ZNF496: variants seen among roughly 807,000 people sequenced by gnomAD.
ZNF496 encodes NSD1 (nuclear receptor binding SET-domain containing 1)-interacting zinc finger protein 1.
Under a neutral mutation model 58.9 loss-of-function variants are expected in ZNF496, and 11 were observed. The observed-to-expected ratio is 0.19, with a 90% confidence interval of 0.12 to 0.31. The LOEUF is 0.31. Ranked by LOEUF, ZNF496 falls within the 10% of genes least tolerant of loss-of-function variation. ZNF496 has a pLI of 1.00. For missense variants in ZNF496, 660 were observed against 783.0 expected, an observed-to-expected ratio of 0.84 and a Z score of 1.88; for synonymous variants, 338 against 318.2, an observed-to-expected ratio of 1.06 and a Z score of -0.66.
chr1:247,324,762 TAAAC>T (rs1307746210), intron 5 of ZNF496, among the ~76,000 whole-genome samples: 1 of 152,104 alleles, frequency 6.6e-6, no homozygotes, highest in African/African-American at 2.4e-5. Context: ...AGACAGAAAT[TAAAC>T]AAAAAAGAAA....
In ZNF496 at chr1:247,300,972, G is replaced by A; in HGVS notation, c.1311C>T (p.Cys437=). The part of the protein sequence containing the change: ...SRREQEKPHE[C]SVCGELFSDS... ...CGCTGAACAGCTCCCCGCACACCGA[G>A]CACTCGTGCGGCTTCTCCTGCTCCC... Residue 437 remains cysteine, a synonymous_variant, in exon 10 of 10, where the codon TGC becomes TGT. Transcript: ENST00000682384. The surrounding 1 kb of genome is among the most constrained non-coding windows in gnomAD (Gnocchi z 5.7). The A allele has an allele frequency of 6.2e-7, 1 of 1,613,894 alleles. No homozygotes were observed. Among genetic ancestry groups the A allele is most frequent in the South Asian group, 1.1e-5 (1 of 91,084 alleles).
chr1:247,310,485 C>T (rs183983478), intron 6 of ZNF496, 29 bp from the exon 7 acceptor site: 28 of 1,613,112 alleles, frequency 1.7e-5, no homozygotes, highest in Non-Finnish European at 2.3e-5. Flanking sequence ...AGGGATGCCT[C>T]AGTCCGGGAC....
intron 6 of ZNF496, among the ~76,000 whole-genome samples, chr1:247,317,008 T>C (rs1659802712): frequency 1.3e-5 from 2 of 152,324 alleles, no homozygotes; most frequent in Middle Eastern, 3.4e-3. Context: ...ATGAGTGGTA[T>C]CTTTTCACTT....
rs1373207028 is a variant in ZNF496, at chr1:247,301,280, C to T, written c.1007-4G>A. 3 of 1,508,578 alleles carry T rather than the reference C, an allele frequency of 2.0e-6. No individual in the cohort carries two copies. The highest frequency in any genetic ancestry group is 2.6e-6 in the Non-Finnish European group (3 of 1,132,802). The allele number at this position is 1,508,578 out of a possible 1,614,324, so 93.4% of individuals were successfully genotyped here. The stretch of plus-strand genomic sequence containing the variant: ...AGAGATCGCGGGTTGCCGCCAGCTA[C>T]AGGAAGGCAACATGCAGGTCAGCGA... On this transcript the variant is annotated splice_polypyrimidine_tract_variant and splice_region_variant and intron_variant, in intron 9 of 9. Coordinates refer to ENST00000682384, the MANE Select transcript of ZNF496 (RefSeq NM_032752.3).
chr1:247,308,661 A>C lies in ZNF496; in HGVS notation c.893-73T>G, dbSNP rs1572075935. ...CACTACCTGGGAGGGTGCTATCCGA[A>C]TAGATGCCAGGCTACGATCTGGGGG... On this transcript the variant is annotated intron_variant, in intron 8 of 9. Coordinates refer to ENST00000682384, the MANE Select transcript of ZNF496 (RefSeq NM_032752.3). The surrounding 1 kb of genome is among the most constrained non-coding windows in gnomAD (Gnocchi z 4.5). 1 of 1,411,570 alleles carries C rather than the reference A, an allele frequency of 7.1e-7. No individual in the cohort carries two copies. The highest frequency in any genetic ancestry group is 1.0e-6 in the Non-Finnish European group (1 of 1,002,324). 87.4% of individuals were successfully genotyped at this position (1,411,570 alleles called of 1,614,324 possible). A position where few individuals can be genotyped will look rare whatever the true frequency, so the allele number is the denominator to read the frequency against.
chr1:247,317,139 T>TAA (rs1297145866), intron 6 of ZNF496, among the ~76,000 whole-genome samples: 8 of 152,216 alleles, frequency 5.3e-5, no homozygotes, highest in Non-Finnish European at 1.2e-4. Context: ...ATGAAAACCC[T>TAA]GGACATTGCA....
chr1:247,323,138 T>G lies in ZNF496; in HGVS notation c.651+16A>C, dbSNP rs776264993. The G allele has an allele frequency of 3.7e-6, 6 of 1,610,898 alleles. No homozygotes were observed. The highest frequency in any genetic ancestry group is 5.1e-6 in the Non-Finnish European group (6 of 1,177,464). ...CAAACAGGGGATTTTCAAGGACTCC[T>G]GTAGAAACCACTCACCGGGGGTAGC... On this transcript the variant is annotated intron_variant, in intron 6 of 9. Coordinates refer to ENST00000682384, the MANE Select transcript of ZNF496 (RefSeq NM_032752.3).
intron 5 of ZNF496, among the ~76,000 whole-genome samples, chr1:247,327,883 C>T (rs2103033764): frequency 6.6e-6 from 1 of 152,100 alleles, no homozygotes; most frequent in South Asian, 2.1e-4. Context: ...CAGAGGAACC[C>T]ACGGGCCAGA....
chr1:247,309,886 G>C lies in ZNF496; in HGVS notation c.785-80C>G. 6.6e-7 allele frequency: 1 copy of C among 1,526,366 alleles called. No homozygotes were observed. Among genetic ancestry groups the C allele is most frequent in the Non-Finnish European group, 8.9e-7 (1 of 1,118,156 alleles). 94.6% of individuals were successfully genotyped at this position (1,526,366 alleles called of 1,614,324 possible). Reference sequence around the variant, plus strand: ...ACCAGGGCTGGTCCAGAAGAGAGAAGGCGGAGGGATGCCCAGCGGGCATGG... The same window carrying C: ...ACCAGGGCTGGTCCAGAAGAGAGAACGCGGAGGGATGCCCAGCGGGCATGG... On this transcript the variant is annotated intron_variant, in intron 7 of 9. Coordinates refer to ENST00000682384, the MANE Select transcript of ZNF496 (RefSeq NM_032752.3). This position sits in a 1 kb window ranked among gnomAD's most constrained non-coding sequence, Gnocchi z 4.3.
intron 9 of ZNF496, among the ~76,000 whole-genome samples, chr1:247,301,595 AGTCT>A (rs1659241768): frequency 6.6e-6 from 1 of 152,136 alleles, no homozygotes; most frequent in Admixed American, 6.5e-5. Context: ...AAGCTCTAGG[AGTCT>A]GTATTTATCT....
intron 9 of ZNF496, among the ~76,000 whole-genome samples, chr1:247,306,895 G>A (rs1300349725): frequency 6.6e-6 from 1 of 152,140 alleles, no homozygotes; most frequent in Non-Finnish European, 1.5e-5. Context: ...GCAATACAGA[G>A]ACATCATGCC....
chr1:247,315,470 G>A (rs904452853), intron 6 of ZNF496, among the ~76,000 whole-genome samples: 2 of 152,210 alleles, frequency 1.3e-5, no homozygotes, highest in African/African-American at 2.4e-5. Context: ...AAGAAGCAAC[G>A]ATGCTGGATC....
At chr1:247,306,504 TTTTC>T (rs1043693259) in intron 9 of ZNF496, among the ~76,000 whole-genome samples, 45 of 146,730 alleles carry the variant, frequency 3.1e-4, no homozygotes, top group African/African-American at 1.0e-3. Context: ...GCCGTTTTTT[TTTTC>T]TTTTTCTTTT....
At chr1:247,323,128 C>T in intron 6 of ZNF496, 26 bp downstream of exon 6, 1 of 1,602,678 alleles carries the variant, frequency 6.2e-7, no homozygotes, top group Non-Finnish European at 8.5e-7. Flanking sequence ...AGGGGATTTT[C>T]AAGGACTCCT....
Position 247,331,812 on chromosome 1 carries a change from C to T in ZNF496, c.-392G>A, listed in dbSNP as rs1343198212. 6.7e-6 allele frequency: 1 copy of T among 148,598 alleles called. No homozygotes were observed. Among genetic ancestry groups the T allele is most frequent in the Non-Finnish European group, 1.5e-5 (1 of 66,676 alleles). The allele number at this position is 148,598 out of a possible 1,614,324, so 9.2% of individuals were successfully genotyped here. A position where few individuals can be genotyped will look rare whatever the true frequency, so the allele number is the denominator to read the frequency against. On this transcript the variant is annotated 5_prime_UTR_variant, in exon 1 of 10. Coordinates refer to ENST00000682384, the MANE Select transcript of ZNF496 (RefSeq NM_032752.3). ...CACCGCCGCGGCGCGTCCCTGTTGG[C>T]GGGCGGCGCAGGCCTGGCCGCCGCG...
rs2103014399 is a variant in ZNF496, at chr1:247,300,866, G to A, written c.1417C>T (p.Arg473Cys). 1 of 1,611,410 alleles carries A rather than the reference G, an allele frequency of 6.2e-7. No homozygotes were observed. The highest frequency in any genetic ancestry group is 8.5e-7 in the Non-Finnish European group (1 of 1,178,390). ...YRCGACGKSF[R>C]LNSHLLSHRR... ...TGGGAGAGCAGGTGGGAGTTCAGGCGGAAGCTCTTCCCGCAGGCACCACAC... is the reference window on the plus strand; with the variant it reads ...TGGGAGAGCAGGTGGGAGTTCAGGCAGAAGCTCTTCCCGCAGGCACCACAC... Residue 473 changes from arginine (R) to cysteine (C), a missense_variant, in exon 10 of 10, where the codon CGC (arginine) becomes TGC (cysteine). Arg to Cys is a radical substitution (Grantham distance 180). Transcript: ENST00000682384. This position sits in a 1 kb window ranked among gnomAD's most constrained non-coding sequence, Gnocchi z 5.7.
Position 247,300,306 on chromosome 1 carries a change from C to T in ZNF496, c.*213G>A, listed in dbSNP as rs996014315. On this transcript the variant is annotated 3_prime_UTR_variant, in exon 10 of 10. Coordinates refer to ENST00000682384, the MANE Select transcript of ZNF496 (RefSeq NM_032752.3). The surrounding 1 kb of genome is among the most constrained non-coding windows in gnomAD (Gnocchi z 5.7). The stretch of plus-strand genomic sequence containing the variant: ...ACATCCCCCCCGTTTTTTGGCACAG[C>T]AGAAACAGAACACTCACTTGGCCAC... 13 of 488,216 alleles carry T rather than the reference C, an allele frequency of 2.7e-5. No individual in the cohort carries two copies. In the Admixed American group the frequency reaches 4.0e-4, roughly 15 times the overall value. The allele number at this position is 488,216 out of a possible 1,614,324, so 30.2% of individuals were successfully genotyped here.
At chr1:247,314,020 A>G (rs1480914654) in intron 6 of ZNF496, among the ~76,000 whole-genome samples, 1 of 152,040 alleles carries the variant, frequency 6.6e-6, no homozygotes, top group Non-Finnish European at 1.5e-5. Flanking sequence ...TGAATCATGG[A>G]CCATGGGAAT....
In ZNF496 at chr1:247,308,020, C is replaced by T. The variant is rs983295022; in HGVS notation, c.1006+455G>A. ...CAAGATTCTGTGCCAGGATGCTGGCCATCCATGCTGAGAGAAGAAAAACAC... is the reference window on the plus strand; with the variant it reads ...CAAGATTCTGTGCCAGGATGCTGGCTATCCATGCTGAGAGAAGAAAAACAC... On this transcript the variant is annotated intron_variant, in intron 9 of 9. Transcript: ENST00000682384. The surrounding 1 kb of genome is among the most constrained non-coding windows in gnomAD (Gnocchi z 4.5). 1 of 985,210 alleles carries T rather than the reference C, an allele frequency of 1.0e-6. No individual in the cohort carries two copies. The highest frequency in any genetic ancestry group is 1.7e-5 in the African/African-American group (1 of 57,200). 61.0% of individuals were successfully genotyped at this position (985,210 alleles called of 1,614,324 possible).
Sources: allele counts gnomAD v4.1 joint callset (sites outside exome capture counted in the v4.1 genomes callset), GRCh38; gene constraint gnomAD v4.1.1; non-coding constraint Gnocchi (gnomAD v3.1); transcripts MANE v1.5; gene names NCBI Gene and HGNC (gene_info 2026-07-23, HGNC 2026-07-21).